The following LRRK1 variants were observed in gnomAD, a reference collection of about 807,000 sequenced individuals.
The protein encoded by LRRK1 is leucine rich repeat kinase 1, also known as leucine-rich repeat serine/threonine-protein kinase 1.
In LRRK1, 113 loss-of-function variants were observed where a neutral mutation model predicts 209.1. The ratio of observed to expected loss-of-function variants is 0.54; its 90% CI spans 0.46 to 0.63. The LOEUF is 0.63. Ranked by LOEUF, LRRK1 falls within the 30% of genes least tolerant of loss-of-function variation. LRRK1 has a pLI of 0.00. For synonymous variants in LRRK1, 1,144 were observed against 1,099.7 expected, an observed-to-expected ratio of 1.04 and a Z score of -0.80; for missense variants, 2,284 against 2,632.2, an observed-to-expected ratio of 0.87 and a Z score of 2.89.
At chr15:101,028,699 C>CA (rs765491250) in intron 19 of LRRK1, among the ~76,000 whole-genome samples, 55 of 152,352 alleles carry the variant, frequency 3.6e-4, no homozygotes, top group Non-Finnish European at 7.2e-4. Context: ...TTTGCAAAGG[C>CA]AAAATCCACA....
chr15:101,055,304 T>G (rs1390232085), intron 27 of LRRK1, 81 bp downstream of exon 27: 4 of 1,347,954 alleles, frequency 3.0e-6, no homozygotes, highest in African/African-American at 1.5e-5. Context: ...TGGAGGCACC[T>G]GAAGCTTCGG....
chr15:100,988,329 T>A (rs1396156553), intron 4 of LRRK1, among the ~76,000 whole-genome samples: 2 of 152,168 alleles, frequency 1.3e-5, no homozygotes. Flanking sequence ...CCCCAGTGTC[T>A]ATTGTTCCCT....
Position 100,983,763 on chromosome 15 carries a change from A to G in LRRK1, c.433+64A>G, listed in dbSNP as rs943159979. 9 of 1,463,876 alleles carry G rather than the reference A, an allele frequency of 6.1e-6. No individual in the cohort carries two copies. In the African/African-American group the frequency reaches 1.3e-4, roughly 20 times the overall value. 90.7% of individuals were successfully genotyped at this position (1,463,876 alleles called of 1,614,324 possible). On this transcript the variant is annotated intron_variant, in intron 4 of 33. Transcript: ENST00000388948. Reference sequence around the variant, plus strand: ...GCACCCTCTTCTTAGGCTTCACCCCAAAATGTTTACTTCTTCATGCTTTCA... The same window carrying G: ...GCACCCTCTTCTTAGGCTTCACCCCGAAATGTTTACTTCTTCATGCTTTCA...
Position 101,074,413 on chromosome 15 carries a change from C to T in LRRK1, c.*5565C>T, listed in dbSNP as rs572652315. The T allele has an allele frequency of 2.1e-4, 32 of 152,268 alleles. No individual in the cohort carries two copies. Among genetic ancestry groups the T allele is most frequent in the Admixed American group, 1.8e-3 (28 of 15,296 alleles). The allele number at this position is 152,268 out of a possible 1,614,324, so 9.4% of individuals were successfully genotyped here. ...AAAGGCATAGTCAAGGTTAATGCTC[C>T]TTTTTCTTTATCCCAAATCAGATAG... On this transcript the variant is annotated 3_prime_UTR_variant, in exon 34 of 34. Coordinates refer to ENST00000388948, the MANE Select transcript of LRRK1 (RefSeq NM_024652.6).
intron 2 of LRRK1, among the ~76,000 whole-genome samples, chr15:100,954,484 G>A (rs987384420): frequency 2.6e-5 from 4 of 152,056 alleles, no homozygotes; most frequent in African/African-American, 4.8e-5. Flanking sequence ...TTCCTTTGCT[G>A]TGGTTTTTAG....
At chr15:101,019,267 A>G (rs1484059384) in intron 12 of LRRK1, among the ~76,000 whole-genome samples, 1 of 152,236 alleles carries the variant, frequency 6.6e-6, no homozygotes, top group African/African-American at 2.4e-5. Context: ...CACAGAGGCC[A>G]GGTGTTTAGA....
At chr15:100,985,247 C>T (rs139840507) in intron 4 of LRRK1, among the ~76,000 whole-genome samples, 160 of 152,166 alleles carry the variant, frequency 1.1e-3, no homozygotes, top group African/African-American at 3.7e-3. Flanking sequence ...CTTGGGTGCT[C>T]CTGAGGAGCC....
At chr15:100,942,797 C>G (rs12900230) in intron 2 of LRRK1, among the ~76,000 whole-genome samples, 14,634 of 152,162 alleles carry the variant, frequency 0.096, 828 homozygotes, top group Non-Finnish European at 0.13. Context: ...GATGGGTGCC[C>G]GGAGTCCCCC....
intron 28 of LRRK1, 32 bp downstream of exon 28, chr15:101,057,082 A>C (rs1487218511): frequency 2.0e-6 from 3 of 1,532,462 alleles, no homozygotes; most frequent in Admixed American, 2.0e-5. Context: ...AGGGCCTGGG[A>C]CCTCCTGCCA....
At chr15:100,967,192 C>A (rs1327346601) in intron 2 of LRRK1, among the ~76,000 whole-genome samples, 2 of 152,198 alleles carry the variant, frequency 1.3e-5, no homozygotes, top group Non-Finnish European at 2.9e-5. Flanking sequence ...GTCCCAGGGG[C>A]TCTGCCTGTA....
chr15:101,047,744 C>T (rs568151581), intron 21 of LRRK1, among the ~76,000 whole-genome samples: 229 of 152,326 alleles, frequency 1.5e-3, no homozygotes, highest in African/African-American at 5.4e-3. Flanking sequence ...AGGACAGTCT[C>T]GTCGTTCGAG....
At position 100,997,026 on chromosome 15, in the gene LRRK1, A is replaced by G. The variant is rs1024164316; in HGVS notation, c.762+7628A>G. Among the ~76,000 whole-genome samples the G allele has an allele frequency of 5.3e-5, 8 of 151,558 alleles. No individual in the cohort carries two copies. The East Asian group carries it at 1.5e-3, about 29-fold the overall frequency. ...ATGGATTCTAGACAAGTTAGCGTTA[A>G]GCTTTGAAAACTCATCAGAATATGC... On this transcript the variant is annotated intron_variant, in intron 6 of 33. Coordinates refer to ENST00000388948, the MANE Select transcript of LRRK1 (RefSeq NM_024652.6).
At chr15:101,061,065 G>A in intron 29 of LRRK1, 106 bp from the exon 30 acceptor site, 1 of 805,402 alleles carries the variant, frequency 1.2e-6, no homozygotes, top group Non-Finnish European at 2.1e-6. Flanking sequence ...AACCCTGGGT[G>A]GGAGCAGGGG....
intron 2 of LRRK1, among the ~76,000 whole-genome samples, chr15:100,942,756 T>G (rs1047362165): frequency 6.6e-6 from 1 of 152,182 alleles, no homozygotes; most frequent in African/African-American, 2.4e-5. Context: ...CAGTGTGAAG[T>G]TCGACAATTC....
chr15:100,931,334 GT>G (rs1246004721), intron 2 of LRRK1, among the ~76,000 whole-genome samples: 1 of 152,130 alleles, frequency 6.6e-6, no homozygotes, highest in Admixed American at 6.5e-5. Flanking sequence ...CACCTACCTG[GT>G]CGTTTCAGGA....
intron 2 of LRRK1, among the ~76,000 whole-genome samples, chr15:100,971,442 T>A (rs1028329513): frequency 6.6e-6 from 1 of 152,126 alleles, no homozygotes. Context: ...ATGGGTTGGG[T>A]TTAGCTTGAG....
intron 6 of LRRK1, among the ~76,000 whole-genome samples, chr15:101,003,740 G>A (rs1161509985): frequency 2.6e-5 from 4 of 152,182 alleles, no homozygotes; most frequent in Non-Finnish European, 4.4e-5. Context: ...GGAGCTACCC[G>A]TAATTCTCTA....
intron 10 of LRRK1, among the ~76,000 whole-genome samples, chr15:101,013,697 G>A (rs559159814): frequency 6.6e-6 from 1 of 152,228 alleles, no homozygotes; most frequent in African/African-American, 2.4e-5. Flanking sequence ...CCCCCTTGGT[G>A]ACTGGGTTCC....
intron 20 of LRRK1, among the ~76,000 whole-genome samples, chr15:101,031,444 T>C (rs1042034823): frequency 3.3e-5 from 5 of 152,234 alleles, no homozygotes; most frequent in Non-Finnish European, 7.3e-5. Context: ...CAGGAGTTTG[T>C]TCTTTCTGTT....
Sources: gnomAD v4.1 joint callset for allele counts (sites outside exome capture counted in the v4.1 genomes callset) on GRCh38, gnomAD v4.1.1 for gene constraint, MANE v1.5 for transcripts, NCBI Gene and HGNC (gene_info 2026-07-23, HGNC 2026-07-21) for gene names.